The following P4HA3 variants were observed in gnomAD, a reference collection of about 807,000 sequenced individuals.
P4HA3 encodes prolyl 4-hydroxylase subunit alpha-3.
In P4HA3, 60 loss-of-function variants were observed where a neutral mutation model predicts 66.7. The observed-to-expected ratio is 0.90, with a 90% CI of 0.73 to 1.12. P4HA3 has a LOEUF of 1.12. P4HA3 is among the 50% of genes most tolerant of loss of function. The probability of loss-of-function intolerance (pLI) is 0.00; values close to 1 mark genes in which losing one functional copy is unlikely to be tolerated. For synonymous variants in P4HA3, 263 were observed against 274.6 expected, an observed-to-expected ratio of 0.96 and a Z score of 0.42; for missense variants, 683 against 685.8, an observed-to-expected ratio of 1.00 and a Z score of 0.05.
intron 8 of P4HA3, among the ~76,000 whole-genome samples, chr11:74,277,659 T>C (rs1860447442): frequency 6.6e-6 from 1 of 152,242 alleles, no homozygotes; most frequent in African/African-American, 2.4e-5. Flanking sequence ...TATACATTAG[T>C]GTTACTTTTA....
At chr11:74,308,396 C>T (rs1861633948) in intron 1 of P4HA3, among the ~76,000 whole-genome samples, 1 of 152,028 alleles carries the variant, frequency 6.6e-6, no homozygotes, top group Non-Finnish European at 1.5e-5. Context: ...AAACCCTAGC[C>T]AGGCATGGTG....
chr11:74,252,498 C>T, intron 15 of P4HA3: 2 of 456,756 alleles, frequency 4.4e-6, no homozygotes, highest in Admixed American at 2.3e-5. Context: ...GCTTCCCCTC[C>T]CTTTCCGAAG....
intron 1 of P4HA3, among the ~76,000 whole-genome samples, chr11:74,309,796 C>T (rs557918668): frequency 5.8e-4 from 88 of 152,194 alleles, no homozygotes; most frequent in Non-Finnish European, 8.5e-4. Context: ...GCTGTTTATA[C>T]GCAAGCCACA....
intron 9 of P4HA3, among the ~76,000 whole-genome samples, chr11:74,275,024 A>G (rs1860349252): frequency 2.0e-5 from 3 of 152,204 alleles, no homozygotes; most frequent in African/African-American, 7.2e-5. Context: ...ATTAAAAAAA[A>G]TTGAATTATC....
intron 9 of P4HA3, among the ~76,000 whole-genome samples, chr11:74,275,247 C>T (rs991100384): frequency 6.6e-6 from 1 of 152,120 alleles, no homozygotes; most frequent in African/African-American, 2.4e-5. Context: ...TCTAAGAAAT[C>T]TTTGCCTAAC....
intron 15 of P4HA3, among the ~76,000 whole-genome samples, chr11:74,255,648 G>T (rs1487158627): frequency 6.6e-6 from 1 of 152,204 alleles, no homozygotes; most frequent in Non-Finnish European, 1.5e-5. Context: ...CATTTAATAA[G>T]TAGTTCCTGT....
chr11:74,251,255 T>G, intron 15 of P4HA3: 5 of 1,379,112 alleles, frequency 3.6e-6, no homozygotes, highest in Non-Finnish European at 4.7e-6. Flanking sequence ...GGCCCTGTGG[T>G]TAAGATCTTA....
chr11:74,288,731 T>A (rs1440874325), intron 5 of P4HA3, among the ~76,000 whole-genome samples: 1 of 151,784 alleles, frequency 6.6e-6, no homozygotes, highest in Admixed American at 6.6e-5. Flanking sequence ...GGGGGACCAC[T>A]TGAGGTTAGG....
At chr11:74,276,086 T>C (rs1488460276) in intron 9 of P4HA3, among the ~76,000 whole-genome samples, 1 of 151,982 alleles carries the variant, frequency 6.6e-6, no homozygotes, top group East Asian at 1.9e-4. Context: ...CACTTATAAG[T>C]GGGGGCTAAA....
intron 3 of P4HA3, among the ~76,000 whole-genome samples, chr11:74,300,542 C>A (rs1023719905): frequency 6.6e-6 from 1 of 152,020 alleles, no homozygotes; most frequent in African/African-American, 2.4e-5. Context: ...TCACTTGAGC[C>A]CCCCCAGGTG....
At chr11:74,280,782 A>T (rs1326728819) in intron 7 of P4HA3, among the ~76,000 whole-genome samples, 1 of 152,150 alleles carries the variant, frequency 6.6e-6, no homozygotes, top group Non-Finnish European at 1.5e-5. Context: ...TGAGCTACAC[A>T]GACAGAAGCT....
At chr11:74,306,793 C>G (rs1468438639) in intron 1 of P4HA3, among the ~76,000 whole-genome samples, 1 of 152,174 alleles carries the variant, frequency 6.6e-6, no homozygotes, top group African/African-American at 2.4e-5. Context: ...TCAACATAAA[C>G]TAAGGAACAA....
chr11:74,286,537 G>A (rs1231124783), intron 5 of P4HA3, 146 bp from the exon 6 acceptor site: 1 of 641,798 alleles, frequency 1.6e-6, no homozygotes, highest in Non-Finnish European at 2.4e-6. Flanking sequence ...ACACACAGGA[G>A]GATGCAAGGC....
chr11:74,311,447 C>T lies in P4HA3; in HGVS notation c.165G>A (p.Leu55=). 3 of 1,539,620 alleles carry T rather than the reference C, an allele frequency of 1.9e-6. No individual in the cohort carries two copies. The highest frequency in any genetic ancestry group is 2.6e-6 in the Non-Finnish European group (3 of 1,150,206). The change falls in exon 1 of 13, where the codon CTG becomes CTA. Residue 55 remains leucine (L), a synonymous_variant. Coordinates refer to ENST00000331597, the MANE Select transcript of P4HA3 (RefSeq NM_182904.5). Reference sequence around the variant, plus strand: ...CCCGCAGCCGCGCCTCCTCCCCGCGCAGGTACCGCCTCAGCAGCCCCAGCA... The same window carrying T: ...CCCGCAGCCGCGCCTCCTCCCCGCGTAGGTACCGCCTCAGCAGCCCCAGCA... ...RRLLGLLRRY[L]RGEEARLRDL...
rs528026863 is a variant in P4HA3, at chr11:74,288,358, C to G, written c.769+721G>C. Among the ~76,000 whole-genome samples the G allele has an allele frequency of 2.0e-5, 3 of 152,250 alleles. No individual in the cohort carries two copies. The South Asian group carries it at 6.2e-4, about 32-fold the overall frequency. On this transcript the variant is annotated intron_variant, in intron 5 of 12. Coordinates refer to ENST00000331597, the MANE Select transcript of P4HA3 (RefSeq NM_182904.5). The stretch of plus-strand genomic sequence containing the variant: ...TCTCCCTGTGAGCAGCTGAAGTGAG[C>G]AATCCTGCTGAGTCACTTTCCTTCT...
chr11:74,286,810 C>T (rs1029309072), intron 5 of P4HA3, among the ~76,000 whole-genome samples: 1 of 152,200 alleles, frequency 6.6e-6, no homozygotes, highest in Non-Finnish European at 1.5e-5. Context: ...ACAGGTTGAC[C>T]TCTCAGAGTT....
At chr11:74,298,097 G>C in intron 4 of P4HA3, 115 bp downstream of exon 4, 2 of 1,308,654 alleles carry the variant, frequency 1.5e-6, no homozygotes, top group Non-Finnish European at 2.1e-6. Context: ...GCTCAGTTTG[G>C]TCCTATTGGG....
At chr11:74,272,714 G>C (rs1434781473) in intron 10 of P4HA3, among the ~76,000 whole-genome samples, 3 of 152,210 alleles carry the variant, frequency 2.0e-5, no homozygotes, top group African/African-American at 4.8e-5. Flanking sequence ...AGGGATGTCT[G>C]CTATTCTAAT....
intron 3 of P4HA3, among the ~76,000 whole-genome samples, chr11:74,302,152 C>T (rs539580534): frequency 9.1e-4 from 138 of 152,276 alleles, no homozygotes; most frequent in African/African-American, 3.2e-3. Flanking sequence ...AGTCAAAAGA[C>T]TGGGTTCAAG....
Sources: allele counts gnomAD v4.1 joint callset (sites outside exome capture counted in the v4.1 genomes callset), GRCh38; gene constraint gnomAD v4.1.1; transcripts MANE v1.5; gene names NCBI Gene and HGNC (gene_info 2026-07-23, HGNC 2026-07-21).